Variants in SDK1 observed in about 807,000 individuals in gnomAD.
SDK1 encodes protein sidekick-1.
In SDK1, 157 loss-of-function variants were observed where a neutral mutation model predicts 245.5. The observed-to-expected ratio is 0.64, with a 90% CI of 0.56 to 0.73. SDK1 has a LOEUF of 0.73. Among genes scored for constraint, SDK1 ranks in the 30% least tolerant of loss-of-function variants. The pLI is 0.00. For missense variants in SDK1, 3,583 were observed against 3,002.3 expected (o/e 1.19, Z -4.52); for synonymous variants, 1,647 against 1,278.5 (o/e 1.29, Z -6.15).
At position 4,062,042 on chromosome 7, in the gene SDK1, T is replaced by C. The variant is rs375273763; in HGVS notation, c.2912-5796T>C. Among the ~76,000 whole-genome samples, 19 of 148,086 alleles carry C rather than the reference T, an allele frequency of 1.3e-4. No homozygotes were observed. The East Asian group carries it at 3.8e-3, about 30-fold the overall frequency. On this transcript the variant is annotated intron_variant, in intron 19 of 44. Coordinates refer to ENST00000404826, the MANE Select transcript of SDK1 (RefSeq NM_152744.4). ...GATATACCTAATGCTAAATGACGAG[T>C]TAATGGGTGCAGCACACCAGCATGG... is the stretch of plus-strand genomic sequence containing the variant.
At chr7:3,722,592 G>C (rs530269006) in intron 4 of SDK1, among the ~76,000 whole-genome samples, 22 of 152,158 alleles carry the variant, frequency 1.4e-4, no homozygotes, top group Non-Finnish European at 2.8e-4. Flanking sequence ...CTGTGTGTAC[G>C]CGCCTTAGCA....
chr7:4,258,092 G>C (rs974357660), intron 44 of SDK1, among the ~76,000 whole-genome samples: 3 of 152,184 alleles, frequency 2.0e-5, no homozygotes, highest in African/African-American at 7.2e-5. Context: ...CTTCTCTTGA[G>C]ACTACAGGAC....
At chr7:3,466,780 T>G (rs934255468) in intron 1 of SDK1, among the ~76,000 whole-genome samples, 6 of 151,824 alleles carry the variant, frequency 4.0e-5, no homozygotes, top group African/African-American at 1.5e-4. Context: ...ACCCCTTCTC[T>G]AAAGCAGAGT....
At chr7:3,331,682 T>A (rs1313044450) in intron 1 of SDK1, among the ~76,000 whole-genome samples, 1 of 152,196 alleles carries the variant, frequency 6.6e-6, no homozygotes. Context: ...CTTTAAAGGA[T>A]GAATTTGCTT....
At chr7:3,431,624 T>C (rs1050390621) in intron 1 of SDK1, among the ~76,000 whole-genome samples, 6 of 152,112 alleles carry the variant, frequency 3.9e-5, no homozygotes, top group Admixed American at 1.3e-4. Context: ...TTTGTGGTAA[T>C]CTTTTATTGT....
At chr7:3,698,247 C>G (rs576253790) in intron 4 of SDK1, among the ~76,000 whole-genome samples, 3 of 152,196 alleles carry the variant, frequency 2.0e-5, no homozygotes, top group African/African-American at 7.2e-5. Flanking sequence ...AAAGGCTGAG[C>G]AGGGAGCTTA....
chr7:3,475,354 T>C (rs1025791357), intron 1 of SDK1, among the ~76,000 whole-genome samples: 1 of 152,118 alleles, frequency 6.6e-6, no homozygotes, highest in Non-Finnish European at 1.5e-5. Context: ...CTATTCGCAC[T>C]GGTTCATAGC....
At chr7:3,784,570 C>G (rs1219501317) in intron 4 of SDK1, among the ~76,000 whole-genome samples, 1 of 152,050 alleles carries the variant, frequency 6.6e-6, no homozygotes, top group Admixed American at 6.6e-5. Flanking sequence ...AGACATTTCT[C>G]AAAAGAAGAC....
chr7:3,512,263 C>T (rs1217820684), intron 1 of SDK1, among the ~76,000 whole-genome samples: 1 of 152,036 alleles, frequency 6.6e-6, no homozygotes, highest in Non-Finnish European at 1.5e-5. Flanking sequence ...TTTATTGTTT[C>T]CTCCCTGTGT....
At chr7:4,256,123 T>C (rs1483025060) in intron 44 of SDK1, among the ~76,000 whole-genome samples, 1 of 152,198 alleles carries the variant, frequency 6.6e-6, no homozygotes, top group Non-Finnish European at 1.5e-5. Context: ...TTTCGCCATG[T>C]TGGCCAGGCT....
At chr7:4,187,015 A>G (rs1452051909) in intron 35 of SDK1, among the ~76,000 whole-genome samples, 2 of 152,176 alleles carry the variant, frequency 1.3e-5, no homozygotes, top group East Asian at 3.9e-4. Context: ...GAGGGGCTCA[A>G]GAGCCACACT....
chr7:3,753,214 T>G (rs1321770239), intron 4 of SDK1, among the ~76,000 whole-genome samples: 1 of 152,212 alleles, frequency 6.6e-6, no homozygotes, highest in African/African-American at 2.4e-5. Flanking sequence ...TCAACCTGAA[T>G]GTATGGAAAT....
intron 1 of SDK1, among the ~76,000 whole-genome samples, chr7:3,561,358 G>A (rs192919073): frequency 4.6e-5 from 7 of 152,310 alleles, no homozygotes; most frequent in Non-Finnish European, 2.9e-5. Context: ...CAGGGATGGA[G>A]CTTTTATTGA....
At chr7:3,779,588 A>C (rs1006908284) in intron 4 of SDK1, among the ~76,000 whole-genome samples, 9 of 152,142 alleles carry the variant, frequency 5.9e-5, no homozygotes, top group Non-Finnish European at 1.3e-4. Flanking sequence ...CTCTAATACT[A>C]TTTAAAATAA....
intron 1 of SDK1, among the ~76,000 whole-genome samples, chr7:3,504,182 A>ATATGTGTGTGTGTGTG (rs375661314): frequency 3.0e-4 from 40 of 131,940 alleles, no homozygotes; most frequent in Admixed American, 9.8e-4. Flanking sequence ...ATATATATAT[A>ATATGTGTGTGTGTGTG]TGTGTGTGTG....
At position 3,914,066 on chromosome 7, in the gene SDK1, G is replaced by A. The variant is rs11971816; in HGVS notation, c.848-36857G>A. ...CCAGATGTTGAAAAAGGTAAGGAGCGGTTATGAAGGCCCAGCCCTGGGGAT... is the reference window on the plus strand; with the variant it reads ...CCAGATGTTGAAAAAGGTAAGGAGCAGTTATGAAGGCCCAGCCCTGGGGAT... On this transcript the variant is annotated intron_variant, in intron 5 of 44. Coordinates refer to ENST00000404826, the MANE Select transcript of SDK1 (RefSeq NM_152744.4). Among the ~76,000 whole-genome samples the A allele has an allele frequency of 1.5e-3, 222 of 152,276 alleles. 2 individuals are homozygous for A. The highest frequency in any genetic ancestry group is 3.7e-3 in the African/African-American group (154 of 41,562).
chr7:3,539,468 C>T (rs550010466), intron 1 of SDK1, among the ~76,000 whole-genome samples: 1 of 152,128 alleles, frequency 6.6e-6, no homozygotes, highest in Admixed American at 6.5e-5. Context: ...AAGAGGGTTT[C>T]TTGAGGAAGT....
chr7:3,551,879 C>G (rs1583157108), intron 1 of SDK1, among the ~76,000 whole-genome samples: 2 of 152,004 alleles, frequency 1.3e-5, no homozygotes, highest in East Asian at 3.9e-4. Context: ...GAACAATTTT[C>G]TTTACAGAAT....
intron 4 of SDK1, among the ~76,000 whole-genome samples, chr7:3,803,490 T>C (rs963651439): frequency 1.4e-4 from 22 of 151,924 alleles, no homozygotes; most frequent in African/African-American, 5.3e-4. Context: ...TTTGTATTTT[T>C]AGTAGAGAAG....
Sources: gnomAD v4.1 joint callset for allele counts (sites outside exome capture counted in the v4.1 genomes callset) on GRCh38, gnomAD v4.1.1 for gene constraint, MANE v1.5 for transcripts, NCBI Gene and HGNC (gene_info 2026-07-23, HGNC 2026-07-21) for gene names.